Variants in PCDH17 observed in about 807,000 individuals in gnomAD.
PCDH17 encodes protocadherin-17.
In PCDH17, 21 loss-of-function variants were observed where a neutral mutation model predicts 67.7. The observed-to-expected ratio is 0.31, with a 90% CI of 0.22 to 0.45. The LOEUF is 0.45. Ranked by LOEUF, PCDH17 falls within the 20% of genes least tolerant of loss-of-function variation. PCDH17 has a pLI of 1.00. For missense variants in PCDH17, 1,471 were observed against 1,564.8 expected (o/e 0.94, Z 1.01); for synonymous variants, 701 against 656.7 (o/e 1.07, Z -1.03).
chr13:57,664,308 G>A (rs1356121858), intron 1 of PCDH17, among the ~76,000 whole-genome samples: 4 of 151,982 alleles, frequency 2.6e-5, no homozygotes, highest in East Asian at 1.9e-4. Context: ...CTGCAGTACC[G>A]TTGCCCAGAG....
chr13:57,658,278 A>G (rs1955134495), intron 1 of PCDH17, among the ~76,000 whole-genome samples: 3 of 152,142 alleles, frequency 2.0e-5, no homozygotes, highest in African/African-American at 7.2e-5. Context: ...AAAATACTAC[A>G]GCTTTTATTT....
chr13:57,709,998 T>C (rs1955761031), intron 3 of PCDH17, among the ~76,000 whole-genome samples: 1 of 151,994 alleles, frequency 6.6e-6, no homozygotes. Context: ...AGATTTTTAA[T>C]ATTTGTTATT....
intron 3 of PCDH17, among the ~76,000 whole-genome samples, chr13:57,671,048 T>C (rs181180706): frequency 5.3e-5 from 8 of 152,084 alleles, no homozygotes; most frequent in Admixed American, 5.2e-4. Flanking sequence ...AATCAAAGAA[T>C]GTATCTAGTT....
chr13:57,691,786 T>C (rs61961893), intron 3 of PCDH17, among the ~76,000 whole-genome samples: 7,624 of 151,204 alleles, frequency 0.05, 252 homozygotes, highest in Middle Eastern at 0.096. Flanking sequence ...TCTAGGATAA[T>C]TTTAGTTGCT....
At chr13:57,723,650 C>A (rs1473301663) in intron 3 of PCDH17, among the ~76,000 whole-genome samples, 1 of 152,058 alleles carries the variant, frequency 6.6e-6, no homozygotes, top group African/African-American at 2.4e-5. Context: ...ACAATGGGCA[C>A]AATCATTTAT....
rs778563989 is a variant in PCDH17, at chr13:57,632,703, C to G, written c.157C>G (p.Arg53Gly). ...GCAGCCTGGGCTTCCGCCTGCAGAG[C>G]GCGGCGGCGGAGGGCGCAGCAAGTC... ...RLQPGLPPAE[R>G]GGGGRSKSGS... Residue 53 changes from arginine to glycine, a missense_variant, in exon 1 of 4, where the codon CGC (arginine) becomes GGC (glycine). Physicochemically the swap from Arg to Gly is moderately radical, Grantham distance 125. Transcript: ENST00000377918. 6 of 1,611,372 alleles carry G rather than the reference C, an allele frequency of 3.7e-6. No individual in the cohort carries two copies. The Admixed American group carries it at 8.3e-5, about 22-fold the overall frequency.
At chr13:57,672,510 T>G (rs1008353200) in intron 3 of PCDH17, among the ~76,000 whole-genome samples, 24 of 151,974 alleles carry the variant, frequency 1.6e-4, no homozygotes, top group African/African-American at 5.8e-4. Flanking sequence ...TTCCACAACC[T>G]GTATTTTACC....
At chr13:57,684,763 G>A (rs1650024923) in intron 3 of PCDH17, among the ~76,000 whole-genome samples, 1 of 151,846 alleles carries the variant, frequency 6.6e-6, no homozygotes, top group South Asian at 2.1e-4. Flanking sequence ...TACTTCACTG[G>A]TTTTAGAACT....
upstream of PCDH17, among the ~76,000 whole-genome samples, chr13:57,631,078 C>G (rs1261228134): frequency 1.3e-5 from 2 of 152,030 alleles, no homozygotes; most frequent in African/African-American, 2.4e-5. Flanking sequence ...CAGAATGCAT[C>G]ACGCCAAACC....
At chr13:57,657,220 A>T (rs992539501) in intron 1 of PCDH17, among the ~76,000 whole-genome samples, 32 of 152,182 alleles carry the variant, frequency 2.1e-4, no homozygotes, top group Non-Finnish European at 1.0e-4. Context: ...TGAGCAGCAG[A>T]CTTAAAAATT....
chr13:57,633,170 C>T lies in PCDH17; in HGVS notation c.624C>T (p.His208=), dbSNP rs1438592676. ...QKALDREQQN[H]HTLVLTALDG... The stretch of plus-strand genomic sequence containing the variant: ...CTCTGGACCGCGAGCAACAGAATCA[C>T]CATACGCTCGTGCTGACTGCCCTGG... Residue 208 remains histidine, a synonymous_variant, in exon 1 of 4, where the codon CAC becomes CAT. Coordinates refer to ENST00000377918, the MANE Select transcript of PCDH17 (RefSeq NM_001040429.3). This position sits in a 1 kb window ranked among gnomAD's most constrained non-coding sequence, Gnocchi z 6.2. The T allele has an allele frequency of 6.2e-7, 1 of 1,613,300 alleles. No homozygotes were observed. Among genetic ancestry groups the T allele is most frequent in the Non-Finnish European group, 8.5e-7 (1 of 1,179,970 alleles).
At chr13:57,645,520 G>A (rs750869852) in intron 1 of PCDH17, among the ~76,000 whole-genome samples, 2 of 151,212 alleles carry the variant, frequency 1.3e-5, no homozygotes, top group Non-Finnish European at 3.0e-5. Flanking sequence ...TTTGAATGTG[G>A]CATATTTTGA....
chr13:57,647,449 A>G (rs1017260746), intron 1 of PCDH17, among the ~76,000 whole-genome samples: 1 of 151,690 alleles, frequency 6.6e-6, no homozygotes, highest in African/African-American at 2.4e-5. Context: ...ATTTACATCT[A>G]GTGTACTTTT....
In PCDH17 at chr13:57,666,498, A is replaced by G. The variant is rs1399967001; in HGVS notation, c.2596A>G (p.Met866Val). ...CAATTTTCCCGCAGAGCCCAATTACATGGGCAGCAGGCAGCAGTTTGTTCA... is the reference window on the plus strand; with the variant it reads ...CAATTTTCCCGCAGAGCCCAATTACGTGGGCAGCAGGCAGCAGTTTGTTCA... Reference protein sequence around the residue: ...TDNFPAEPNYMGSRQQFVQSS... With the variant: ...TDNFPAEPNYVGSRQQFVQSS... The change falls in exon 2 of 4, where the codon ATG (methionine) becomes GTG (valine). Residue 866 changes from methionine to valine, a missense_variant. Transcript: ENST00000377918. 4.3e-6 allele frequency: 7 copies of G among 1,613,872 alleles called. No homozygotes were observed. Among genetic ancestry groups the G allele is most frequent in the Admixed American group, 1.7e-5 (1 of 59,948 alleles).
chr13:57,668,203 A>AT (rs1324282615), intron 3 of PCDH17, among the ~76,000 whole-genome samples: 1 of 151,974 alleles, frequency 6.6e-6, no homozygotes, highest in Non-Finnish European at 1.5e-5. Flanking sequence ...TAGCTCTGTG[A>AT]TTTTATAAAA....
At chr13:57,724,228 T>A (rs1955894108) in intron 3 of PCDH17, among the ~76,000 whole-genome samples, 1 of 152,210 alleles carries the variant, frequency 6.6e-6, no homozygotes, top group Non-Finnish European at 1.5e-5. Flanking sequence ...GTTATTTGAT[T>A]TGAAAAAAAT....
chr13:57,646,071 A>G (rs183867538), intron 1 of PCDH17, among the ~76,000 whole-genome samples: 225 of 151,722 alleles, frequency 1.5e-3, no homozygotes, highest in Non-Finnish European at 5.6e-4. Flanking sequence ...TTTGATATAT[A>G]ATTTTACAAT....
At chr13:57,711,810 C>A (rs1955779409) in intron 3 of PCDH17, among the ~76,000 whole-genome samples, 1 of 150,772 alleles carries the variant, frequency 6.6e-6, no homozygotes, top group Non-Finnish European at 1.5e-5. Context: ...CAATTATCTC[C>A]CAAATAGTTC....
At chr13:57,644,281 A>G (rs1311594461) in intron 1 of PCDH17, among the ~76,000 whole-genome samples, 2 of 151,684 alleles carry the variant, frequency 1.3e-5, no homozygotes, top group Admixed American at 1.3e-4. Context: ...GCAGAAGTCT[A>G]TTCTATGGTG....
Sources: allele counts gnomAD v4.1 joint callset (sites outside exome capture counted in the v4.1 genomes callset), GRCh38; gene constraint gnomAD v4.1.1; non-coding constraint Gnocchi (gnomAD v3.1); transcripts MANE v1.5; gene names NCBI Gene and HGNC (gene_info 2026-07-23, HGNC 2026-07-21).